The following VAV3 variants were observed in gnomAD, a reference collection of about 807,000 sequenced individuals.
The protein encoded by VAV3 is vav guanine nucleotide exchange factor 3.
VAV3 carries 94 observed loss-of-function variants against 131.2 expected under a neutral mutation model. The ratio of observed to expected loss-of-function variants is 0.72; its 90% CI spans 0.61 to 0.85. The LOEUF (loss-of-function observed/expected upper bound fraction) is 0.85. VAV3 is among the 40% of genes least tolerant of loss of function. The probability of loss-of-function intolerance (pLI) is 0.00; values close to 1 mark genes in which losing one functional copy is unlikely to be tolerated. For missense variants in VAV3, 939 were observed against 1,002.7 expected (o/e 0.94, Z 0.86); for synonymous variants, 349 against 342.0 (o/e 1.02, Z -0.22).
intron 15 of VAV3, among the ~76,000 whole-genome samples, chr1:107,710,863 A>G (rs1660742737): frequency 6.6e-6 from 1 of 152,192 alleles, no homozygotes; most frequent in Non-Finnish European, 1.5e-5. Flanking sequence ...ATCAAAAAAG[A>G]CTTAAAATGC....
intron 25 of VAV3, chr1:107,576,301 TATCC>T: frequency 9.5e-7 from 1 of 1,055,106 alleles, no homozygotes. Flanking sequence ...TGAGGAGATG[TATCC>T]GTATGAGAAG....
chr1:107,933,300 T>C (rs1214196761), intron 1 of VAV3, among the ~76,000 whole-genome samples: 1 of 151,448 alleles, frequency 6.6e-6, no homozygotes, highest in African/African-American at 2.4e-5. Flanking sequence ...TTTTTTCCAG[T>C]ACAAAAGATA....
chr1:107,834,726 T>G, intron 2 of VAV3, among the ~76,000 whole-genome samples: 1 of 145,724 alleles, frequency 6.9e-6, no homozygotes. Flanking sequence ...GCAATGAGAG[T>G]CAATAGAGAG....
rs148597513 is a variant in VAV3 at position 107,648,459 on chromosome 1, C to A, written c.1778-5704G>T. ...AAATTTAACATTCTGTTCTGTTATA[C>A]ATGTACATTTTATTGGAAAAAATGT... On this transcript the variant is annotated intron_variant, in intron 19 of 26. Transcript: ENST00000370056. 1.4e-3 allele frequency among the ~76,000 whole-genome samples: 208 copies of A among 152,044 alleles called. 2 individuals carry two copies. Among genetic ancestry groups the A allele is most frequent in the Non-Finnish European group, 1.4e-3 (95 of 67,934 alleles).
chr1:107,694,581 C>A (rs1570767218), intron 17 of VAV3, among the ~76,000 whole-genome samples: 1 of 152,146 alleles, frequency 6.6e-6, no homozygotes, highest in East Asian at 1.9e-4. Context: ...AAAGTACCAG[C>A]CAGGGACTCA....
chr1:107,902,865 A>G (rs1450963366), intron 1 of VAV3, among the ~76,000 whole-genome samples: 2 of 152,234 alleles, frequency 1.3e-5, no homozygotes, highest in Non-Finnish European at 2.9e-5. Context: ...CGTATTTGCC[A>G]TAACACATAG....
At chr1:107,960,882 T>G (rs1227083597) in intron 1 of VAV3, among the ~76,000 whole-genome samples, 1 of 152,086 alleles carries the variant, frequency 6.6e-6, no homozygotes, top group East Asian at 1.9e-4. Context: ...CTAACTCAGC[T>G]TCAAATGGGT....
At chr1:107,939,317 G>T (rs556226258) in intron 1 of VAV3, among the ~76,000 whole-genome samples, 1 of 152,238 alleles carries the variant, frequency 6.6e-6, no homozygotes, top group South Asian at 2.1e-4. Flanking sequence ...TTACACAGAT[G>T]GTCCTAGGCT....
intron 1 of VAV3, chr1:107,897,424 A>T (rs915874083): frequency 1.3e-5 from 2 of 151,906 alleles, no homozygotes; most frequent in Admixed American, 1.3e-4. Context: ...GGTGAGTATC[A>T]GGAGCAACAG....
intron 2 of VAV3, among the ~76,000 whole-genome samples, chr1:107,831,802 G>A (rs752086859): frequency 3.3e-5 from 5 of 152,130 alleles, no homozygotes; most frequent in Non-Finnish European, 7.4e-5. Flanking sequence ...CTTTACATTC[G>A]TTTTAGACAT....
At chr1:107,614,117 C>T (rs558309225) in intron 21 of VAV3, among the ~76,000 whole-genome samples, 23 of 152,088 alleles carry the variant, frequency 1.5e-4, no homozygotes, top group African/African-American at 4.8e-4. Context: ...GGGTTTTCTC[C>T]TAGTTCATCC....
intron 25 of VAV3, among the ~76,000 whole-genome samples, chr1:107,578,193 T>A (rs1217264693): frequency 6.6e-6 from 1 of 152,244 alleles, no homozygotes; most frequent in African/African-American, 2.4e-5. Context: ...TACACACTGA[T>A]GCATTAATGA....
At chr1:107,843,980 A>G (rs1436492323) in intron 2 of VAV3, among the ~76,000 whole-genome samples, 1 of 152,098 alleles carries the variant, frequency 6.6e-6, no homozygotes, top group Admixed American at 6.6e-5. Flanking sequence ...AACTTTAACT[A>G]ACCTATAAGA....
chr1:107,931,176 C>T lies in VAV3; in HGVS notation c.204+33490G>A, dbSNP rs376388106. ...TGAGACAATCTAAGAAATCTGAATA[C>T]GGACTGTATGTTAGATTATAATAAG... On this transcript the variant is annotated intron_variant, in intron 1 of 26. Coordinates refer to ENST00000370056, the MANE Select transcript of VAV3 (RefSeq NM_006113.5). 1.3e-4 allele frequency among the ~76,000 whole-genome samples: 20 copies of T among 152,100 alleles called. No homozygotes were observed. In the South Asian group the frequency reaches 2.1e-3, roughly 16 times the overall value.
chr1:107,930,569 A>G (rs78326676), intron 1 of VAV3, among the ~76,000 whole-genome samples: 2,737 of 152,282 alleles, frequency 0.018, 48 homozygotes, highest in East Asian at 0.048. Flanking sequence ...TACCTAGTCG[A>G]TAAGAAAAGA....
At chr1:107,842,329 T>C (rs1347588408) in intron 2 of VAV3, among the ~76,000 whole-genome samples, 3 of 152,224 alleles carry the variant, frequency 2.0e-5, no homozygotes, top group Admixed American at 1.3e-4. Flanking sequence ...CTCTGCACTG[T>C]TGGCCACAGT....
At chr1:107,843,600 G>C (rs1358255863) in intron 2 of VAV3, among the ~76,000 whole-genome samples, 4 of 151,122 alleles carry the variant, frequency 2.6e-5, no homozygotes. Context: ...GCCATCTGCT[G>C]AAGTATGAGC....
At chr1:107,916,957 A>G (rs1239981577) in intron 1 of VAV3, among the ~76,000 whole-genome samples, 1 of 152,166 alleles carries the variant, frequency 6.6e-6, no homozygotes, top group African/African-American at 2.4e-5. Flanking sequence ...GAGGGGATGT[A>G]AAGTGTGAAG....
chr1:107,923,586 A>G (rs977297106), intron 1 of VAV3, among the ~76,000 whole-genome samples: 1 of 152,198 alleles, frequency 6.6e-6, no homozygotes, highest in Non-Finnish European at 1.5e-5. Flanking sequence ...GAAACTTACA[A>G]TCATGGAGGA....
Sources: gnomAD v4.1 joint callset for allele counts (sites outside exome capture counted in the v4.1 genomes callset) on GRCh38, gnomAD v4.1.1 for gene constraint, MANE v1.5 for transcripts, NCBI Gene and HGNC (gene_info 2026-07-23, HGNC 2026-07-21) for gene names.